The following RECK variants were observed in gnomAD, a reference collection of about 807,000 sequenced individuals.
RECK encodes the protein reversion inducing cysteine rich protein with kazal motifs.
RECK carries 69 observed loss-of-function variants against 115.1 expected under a neutral mutation model. The observed-to-expected ratio is 0.60, with a 90% CI of 0.49 to 0.73. RECK has a LOEUF of 0.73. RECK is among the 30% of genes least tolerant of loss of function. The pLI is 0.00. For synonymous variants in RECK, 414 were observed against 419.7 expected (o/e 0.99, Z 0.17); for missense variants, 1,047 against 1,203.7 (o/e 0.87, Z 1.93).
Position 36,118,940 on chromosome 9 carries a change from G to C in RECK, c.2437G>C (p.Ala813Pro). The C allele has an allele frequency of 6.2e-7, 1 of 1,612,842 alleles. No homozygotes were observed. The highest frequency in any genetic ancestry group is 1.1e-5 in the South Asian group (1 of 91,012). ...TGTCAAGTGTCCTTCGCTCTTGGCA[G>C]CTGGATGCAAACCCATCATCCCACC... Reference protein sequence around the residue: ...ASVKCPSLLAAGCKPIIPPGA... With the variant: ...ASVKCPSLLAPGCKPIIPPGA... The change falls in exon 18 of 21, where the codon GCT (alanine) becomes CCT (proline). Residue 813 changes from alanine to proline, a missense_variant. Coordinates refer to ENST00000377966, the MANE Select transcript of RECK (RefSeq NM_021111.3).
chr9:36,091,100 T>C, intron 9 of RECK, 64 bp from the exon 10 acceptor site: 1 of 1,492,094 alleles, frequency 6.7e-7, no homozygotes, highest in Non-Finnish European at 9.3e-7. Flanking sequence ...GTTTTAGTTT[T>C]ATGCAAATCA....
At chr9:36,092,564 G>C (rs77536936) in intron 10 of RECK, among the ~76,000 whole-genome samples, 7 of 54,974 alleles carry the variant, frequency 1.3e-4, no homozygotes, top group African/African-American at 4.6e-4. Flanking sequence ...TTTTTTTTTT[G>C]TATTTTTAGT....
chr9:36,088,117 A>G (rs1398092102), intron 9 of RECK, among the ~76,000 whole-genome samples, 156 bp downstream of exon 9: 1 of 152,226 alleles, frequency 6.6e-6, no homozygotes, highest in Non-Finnish European at 1.5e-5. Flanking sequence ...TGTATTGAGC[A>G]TTGTGTACCG....
chr9:36,079,461 C>T (rs1822592494), intron 6 of RECK, among the ~76,000 whole-genome samples: 1 of 152,096 alleles, frequency 6.6e-6, no homozygotes, highest in South Asian at 2.1e-4. Context: ...ATCTATGAGG[C>T]CCAGGGTTTT....
intron 10 of RECK, among the ~76,000 whole-genome samples, chr9:36,097,284 C>T (rs1283364635): frequency 2.7e-5 from 4 of 148,386 alleles, no homozygotes; most frequent in Admixed American, 6.7e-5. Context: ...GCTGAGATCG[C>T]GCCACTGCAC....
chr9:36,071,197 A>T (rs537372226), intron 6 of RECK, among the ~76,000 whole-genome samples: 1 of 151,210 alleles, frequency 6.6e-6, no homozygotes, highest in South Asian at 2.1e-4. Context: ...CTTTTTGCAT[A>T]GTCTTCGTTC....
intron 10 of RECK, among the ~76,000 whole-genome samples, chr9:36,097,527 A>G (rs1345159768): frequency 6.6e-6 from 1 of 152,180 alleles, no homozygotes; most frequent in African/African-American, 2.4e-5. Context: ...ATGGAAGATA[A>G]CAATTGTTAG....
At chr9:36,118,202 G>A (rs1824335478) in intron 17 of RECK, among the ~76,000 whole-genome samples, 1 of 152,074 alleles carries the variant, frequency 6.6e-6, no homozygotes, top group African/African-American at 2.4e-5. Context: ...CAGAGCCCCT[G>A]TGCCATTTGC....
intron 6 of RECK, among the ~76,000 whole-genome samples, chr9:36,075,317 A>G (rs992357044): frequency 1.5e-4 from 23 of 152,306 alleles, no homozygotes; most frequent in Non-Finnish European, 7.4e-5. Flanking sequence ...TGCAGATGTT[A>G]CTTGCCAGTG....
intron 10 of RECK, among the ~76,000 whole-genome samples, chr9:36,097,242 G>T (rs574935780): frequency 4.9e-4 from 74 of 151,388 alleles, no homozygotes; most frequent in African/African-American, 1.7e-3. Context: ...ACAGGAGAAT[G>T]GCTTGAACCT....
chr9:36,037,058 G>C lies in RECK; in HGVS notation c.60G>C (p.Gly20=). 1 of 1,396,386 alleles carries C rather than the reference G, an allele frequency of 7.2e-7. No homozygotes were observed. Among genetic ancestry groups the C allele is most frequent in the Non-Finnish European group, 9.3e-7 (1 of 1,070,020 alleles). 86.5% of individuals were successfully genotyped at this position (1,396,386 alleles called of 1,614,324 possible). Residue 20 remains glycine, a synonymous_variant, in exon 1 of 21, where the codon GGG becomes GGC. Transcript: ENST00000377966. The part of the protein sequence containing the change: ...GALLLLLAVA[G]VAEVAGGLAP... Reference sequence around the variant, plus strand: ...TGCTCCTTCTGCTGGCCGTGGCGGGGGTCGCGGAGGTGGCAGGGGGCCTGG... The same window carrying C: ...TGCTCCTTCTGCTGGCCGTGGCGGGCGTCGCGGAGGTGGCAGGGGGCCTGG...
At chr9:36,122,380 G>T (rs945920527) in intron 20 of RECK, among the ~76,000 whole-genome samples, 2 of 152,230 alleles carry the variant, frequency 1.3e-5, no homozygotes, top group Non-Finnish European at 2.9e-5. Flanking sequence ...TGGGTAAGAG[G>T]TGTGGGTAAC....
intron 8 of RECK, among the ~76,000 whole-genome samples, chr9:36,086,618 T>C (rs1215587186): frequency 6.6e-6 from 1 of 152,140 alleles, no homozygotes; most frequent in Non-Finnish European, 1.5e-5. Context: ...TTCCCTTATT[T>C]GGCCCCGCCC....
intron 6 of RECK, among the ~76,000 whole-genome samples, chr9:36,076,041 GA>G (rs1822434011): frequency 1.3e-5 from 2 of 152,122 alleles, no homozygotes; most frequent in African/African-American, 4.8e-5. Flanking sequence ...ACAAATGGAG[GA>G]ATGAACCATT....
chr9:36,103,599 A>T (rs2132654441), intron 12 of RECK, among the ~76,000 whole-genome samples: 1 of 152,320 alleles, frequency 6.6e-6, no homozygotes, highest in Admixed American at 6.5e-5. Context: ...AAAATTGGAG[A>T]TCTTTTAGTA....
chr9:36,051,030 A>G (rs554120191), intron 1 of RECK, among the ~76,000 whole-genome samples: 4 of 152,276 alleles, frequency 2.6e-5, no homozygotes, highest in South Asian at 4.1e-4. Context: ...GTATGTGTAT[A>G]TATACATATA....
chr9:36,108,312 G>A, intron 14 of RECK, 148 bp downstream of exon 14: 1 of 496,304 alleles, frequency 2.0e-6, no homozygotes, highest in East Asian at 3.2e-5. Context: ...AGAGCACTAG[G>A]ACTTCTAAGG....
intron 6 of RECK, among the ~76,000 whole-genome samples, chr9:36,073,231 GACACACACAGACACACACACAC>G (rs1588296764): frequency 1.1e-5 from 1 of 94,992 alleles, no homozygotes; most frequent in Admixed American, 1.0e-4. Context: ...GACACACACA[GACACACACAGACACACACACAC>G]ACACACACAC....
chr9:36,075,927 T>C (rs1822429437), intron 6 of RECK, among the ~76,000 whole-genome samples: 1 of 152,152 alleles, frequency 6.6e-6, no homozygotes, highest in South Asian at 2.1e-4. Context: ...ATTCATATGA[T>C]CAGTGTTTTG....
Sources: allele counts gnomAD v4.1 joint callset (sites outside exome capture counted in the v4.1 genomes callset), GRCh38; gene constraint gnomAD v4.1.1; transcripts MANE v1.5; gene names NCBI Gene and HGNC (gene_info 2026-07-23, HGNC 2026-07-21).